ATP6V1E1: variants seen among roughly 807,000 people sequenced by gnomAD.
ATP6V1E1 encodes the protein V-type proton ATPase subunit E 1.
Under a neutral mutation model 35.2 loss-of-function variants are expected in ATP6V1E1, and 21 were observed. The observed-to-expected ratio is 0.60, with a 90% CI of 0.42 to 0.86. The LOEUF is 0.86. ATP6V1E1 is among the 40% of genes least tolerant of loss of function. The pLI is 0.00. For synonymous variants in ATP6V1E1, 83 were observed against 87.8 expected (o/e 0.95, Z 0.30); for missense variants, 183 against 272.6 (o/e 0.67, Z 2.32).
At chr22:17,617,969 C>T (rs1181516825) in intron 2 of ATP6V1E1, among the ~76,000 whole-genome samples, 1 of 152,058 alleles carries the variant, frequency 6.6e-6, no homozygotes, top group African/African-American at 2.4e-5. Context: ...ACCACCATGC[C>T]CAGCTAATTT....
At chr22:17,623,911 T>C (rs977311265) in intron 1 of ATP6V1E1, among the ~76,000 whole-genome samples, 9 of 152,120 alleles carry the variant, frequency 5.9e-5, no homozygotes, top group Non-Finnish European at 1.2e-4. Flanking sequence ...AGAAGAGATA[T>C]AGTCAACCCT....
chr22:17,625,403 C>T (rs1450180616), intron 1 of ATP6V1E1, among the ~76,000 whole-genome samples: 2 of 151,974 alleles, frequency 1.3e-5, no homozygotes, highest in Non-Finnish European at 1.5e-5. Flanking sequence ...AGATTACAGG[C>T]ATGCACCACC....
chr22:17,595,486 T>C (rs2057727170), intron 7 of ATP6V1E1, among the ~76,000 whole-genome samples: 1 of 150,068 alleles, frequency 6.7e-6, no homozygotes, highest in African/African-American at 2.5e-5. Flanking sequence ...AGCCCAATCC[T>C]GCTCATTACT....
intron 4 of ATP6V1E1, among the ~76,000 whole-genome samples, chr22:17,608,773 CT>C (rs1366000334): frequency 1.8e-4 from 28 of 152,174 alleles, no homozygotes; most frequent in Non-Finnish European, 3.5e-4. Context: ...TTTTGGAAAA[CT>C]ATCCTAAGTT....
intron 2 of ATP6V1E1, among the ~76,000 whole-genome samples, chr22:17,616,542 G>T (rs539994680): frequency 1.3e-5 from 2 of 152,040 alleles, no homozygotes; most frequent in East Asian, 3.9e-4. Context: ...AGCTGGGCGT[G>T]ATGGCATGCG....
chr22:17,610,439 T>A (rs2057809734), intron 4 of ATP6V1E1, among the ~76,000 whole-genome samples: 1 of 152,128 alleles, frequency 6.6e-6, no homozygotes, highest in African/African-American at 2.4e-5. Context: ...TCAAAACCAT[T>A]TCTATAATAT....
chr22:17,609,114 C>CA (rs59989989), intron 4 of ATP6V1E1, among the ~76,000 whole-genome samples: 14,017 of 107,500 alleles, frequency 0.13, 707 homozygotes, highest in African/African-American at 0.2. Flanking sequence ...CAAAACAAAA[C>CA]AAACAAACAA....
At chr22:17,624,422 C>T (rs765286536) in intron 1 of ATP6V1E1, among the ~76,000 whole-genome samples, 51 of 151,836 alleles carry the variant, frequency 3.4e-4, no homozygotes, top group African/African-American at 1.0e-3. Flanking sequence ...GGTGTGGTGG[C>T]GGGCACCAGT....
chr22:17,599,801 T>C lies in ATP6V1E1; in HGVS notation c.435+226A>G, dbSNP rs576792015. Among the ~76,000 whole-genome samples, 29 of 151,318 alleles carry C rather than the reference T, an allele frequency of 1.9e-4. No individual in the cohort carries two copies. In the South Asian group the frequency reaches 5.9e-3, roughly 31 times the overall value. On this transcript the variant is annotated intron_variant, in intron 6 of 8. Coordinates refer to ENST00000253413, the MANE Select transcript of ATP6V1E1 (RefSeq NM_001696.4). Reference sequence around the variant, plus strand: ...CAGGCATGGTGGCACACGCTTGTAATTCCAGCTAGTCTACTCGGGAGGCTG... The same window carrying C: ...CAGGCATGGTGGCACACGCTTGTAACTCCAGCTAGTCTACTCGGGAGGCTG...
rs765648698 is a variant in ATP6V1E1 at position 17,600,092 on chromosome 22, A to G, written c.370T>C (p.Leu124=). The change falls in exon 6 of 9, where the codon TTG becomes CTG. Residue 124 remains leucine, a synonymous_variant. Coordinates refer to ENST00000253413, the MANE Select transcript of ATP6V1E1 (RefSeq NM_001696.4). Reference sequence around the variant, plus strand: ...ATTCGGGGCTCCAGCAACTGGTACAAACCCTGGAAGAAATAGTAGATACAG... The same window carrying G: ...ATTCGGGGCTCCAGCAACTGGTACAGACCCTGGAAGAAATAGTAGATACAG... ...VLLDGLVLQG[L]YQLLEPRMIV... 1.2e-6 allele frequency: 2 copies of G among 1,613,422 alleles called. No homozygotes were observed. Among genetic ancestry groups the G allele is most frequent in the Non-Finnish European group, 8.5e-7 (1 of 1,179,410 alleles).
chr22:17,594,596 T>G lies in ATP6V1E1; in HGVS notation c.551A>C (p.Tyr184Ser). The change falls in exon 8 of 9, where the codon TAT becomes TCT. Residue 184 changes from tyrosine (Y) to serine (S), a missense_variant. Transcript: ENST00000253413. ...AACCTTTATTTTACGATCTCCATTATAGATCTCAACTCCACCAGCTCTGCA... is the reference window on the plus strand; with the variant it reads ...AACCTTTATTTTACGATCTCCATTAGAGATCTCAACTCCACCAGCTCTGCA... ...PEDIAGGVEI[Y>S]NGDRKIKVSN... 1 of 1,587,478 alleles carries G rather than the reference T, an allele frequency of 6.3e-7. No individual in the cohort carries two copies.
rs144996543 is a variant in ATP6V1E1, at chr22:17,614,436, C to G, written c.100-1116G>C. On this transcript the variant is annotated intron_variant, in intron 2 of 8. Transcript: ENST00000253413. The stretch of plus-strand genomic sequence containing the variant: ...CTTTGGGGGGCTGAGGCGGGCAGAT[C>G]ACCTGAGGTCGGGAGTTCGAGACCA... Among the ~76,000 whole-genome samples the G allele has an allele frequency of 7.9e-3, 1,195 of 151,940 alleles. 10 individuals are homozygous for G. Among genetic ancestry groups the G allele is most frequent in the African/African-American group, 0.028 (1,145 of 41,470 alleles).
intron 1 of ATP6V1E1, among the ~76,000 whole-genome samples, chr22:17,625,351 T>TAGA (rs1399143448): frequency 1.3e-5 from 2 of 152,130 alleles, no homozygotes; most frequent in Non-Finnish European, 2.9e-5. Context: ...CTGCAACCTC[T>TAGA]GGGTTCAAGC....
intron 1 of ATP6V1E1, among the ~76,000 whole-genome samples, chr22:17,626,139 T>C (rs889667454): frequency 6.6e-6 from 1 of 151,396 alleles, no homozygotes; most frequent in Non-Finnish European, 1.5e-5. Context: ...ACCCCATCTC[T>C]AATAAAAAAT....
intron 4 of ATP6V1E1, among the ~76,000 whole-genome samples, chr22:17,610,358 T>TG (rs1465315070): frequency 2.0e-5 from 3 of 152,204 alleles, no homozygotes. Context: ...ACTAGACCTA[T>TG]GGGTTGTTTA....
intron 5 of ATP6V1E1, 87 bp from the exon 6 acceptor site, chr22:17,600,182 C>T: frequency 1.6e-6 from 2 of 1,256,746 alleles, no homozygotes; most frequent in Non-Finnish European, 2.3e-6. Context: ...GGTCTGTAAT[C>T]CTAACACTTT....
chr22:17,618,957 G>A (rs2057860767), intron 2 of ATP6V1E1: 1 of 452,622 alleles, frequency 2.2e-6, no homozygotes, highest in Admixed American at 2.4e-5. Context: ...CTGAGATCAG[G>A]CCACTGCACT....
chr22:17,598,166 A>G (rs2057742126), intron 7 of ATP6V1E1, 28 bp downstream of exon 7: 5 of 1,549,518 alleles, frequency 3.2e-6, no homozygotes, highest in Admixed American at 1.7e-5. Flanking sequence ...GAGAGAAGGT[A>G]GCTGTTAGCA....
intron 2 of ATP6V1E1, among the ~76,000 whole-genome samples, chr22:17,616,069 C>T (rs1009714074): frequency 6.8e-6 from 1 of 147,590 alleles, no homozygotes; most frequent in South Asian, 2.1e-4. Flanking sequence ...AAACAAAAGC[C>T]GGGCGTGGTG....
Sources: allele counts gnomAD v4.1 joint callset (sites outside exome capture counted in the v4.1 genomes callset), GRCh38; gene constraint gnomAD v4.1.1; transcripts MANE v1.5; gene names NCBI Gene and HGNC (gene_info 2026-07-23, HGNC 2026-07-21).